The following SLC44A1 variants were observed in gnomAD, a reference collection of about 807,000 sequenced individuals.
The protein encoded by SLC44A1 is choline transporter-like protein 1.
Under a neutral mutation model 79.3 loss-of-function variants are expected in SLC44A1, and 26 were observed. That is an observed-to-expected ratio of 0.33 (90% CI 0.24 to 0.46). The LOEUF (loss-of-function observed/expected upper bound fraction) is 0.46, where lower values mean the gene tolerates loss of function less well. SLC44A1 is among the 20% of genes least tolerant of loss of function. SLC44A1 has a pLI of 1.00. For synonymous variants in SLC44A1, 263 were observed against 286.2 expected, an observed-to-expected ratio of 0.92 and a Z score of 0.82; for missense variants, 688 against 798.1, an observed-to-expected ratio of 0.86 and a Z score of 1.66.
chr9:105,245,186 T>G (rs1356117491), intron 1 of SLC44A1, among the ~76,000 whole-genome samples: 1 of 151,632 alleles, frequency 6.6e-6, no homozygotes, highest in East Asian at 2.0e-4. Flanking sequence ...CAGTCACACC[T>G]GAGCTGCCCG....
chr9:105,361,081 C>T, intron 7 of SLC44A1, 110 bp from the exon 8 acceptor site: 1 of 1,064,962 alleles, frequency 9.4e-7, no homozygotes, highest in Non-Finnish European at 1.4e-6. Flanking sequence ...TGGATTGTCA[C>T]TGCATTAGTC....
rs1019208127 is a variant in SLC44A1 at position 105,393,186 on chromosome 9, G to A, written c.*4130G>A. ...TATTTGTGTATTCTGTATTCACAGC[G>A]TAGGCTGCCTTTTGCTTTAAATGCA... On this transcript the variant is annotated 3_prime_UTR_variant, in exon 16 of 16. Transcript: ENST00000374720. 5.1e-6 allele frequency: 5 copies of A among 985,426 alleles called. No individual in the cohort carries two copies. The highest frequency in any genetic ancestry group is 6.0e-6 in the Non-Finnish European group (5 of 829,918). The allele number at this position is 985,426 out of a possible 1,614,324, so 61.0% of individuals were successfully genotyped here.
At chr9:105,275,592 A>G (rs1156852568) in intron 1 of SLC44A1, among the ~76,000 whole-genome samples, 1 of 152,212 alleles carries the variant, frequency 6.6e-6, no homozygotes, top group Non-Finnish European at 1.5e-5. Flanking sequence ...TCTAGGAAAT[A>G]TTCTCAAAGT....
At chr9:105,281,656 A>G (rs1830355934) in intron 1 of SLC44A1, among the ~76,000 whole-genome samples, 1 of 152,158 alleles carries the variant, frequency 6.6e-6, no homozygotes, top group Non-Finnish European at 1.5e-5. Context: ...AGGGGCTTGC[A>G]CTTTTTATTC....
At chr9:105,323,719 C>A (rs921420606) in intron 3 of SLC44A1, among the ~76,000 whole-genome samples, 1 of 152,192 alleles carries the variant, frequency 6.6e-6, no homozygotes, top group Non-Finnish European at 1.5e-5. Context: ...AGCACTCTCA[C>A]ATATTCTGTC....
At chr9:105,251,183 G>A (rs1829577197) in intron 1 of SLC44A1, among the ~76,000 whole-genome samples, 1 of 152,068 alleles carries the variant, frequency 6.6e-6, no homozygotes, top group South Asian at 2.1e-4. Context: ...GTTTAAATCT[G>A]TCCTCAAAAT....
chr9:105,356,086 C>G lies in SLC44A1; in HGVS notation c.501-126C>G. On this transcript the variant is annotated intron_variant, in intron 5 of 15. Transcript: ENST00000374720. ...AGCATTAAGCACACAGCTCTTAGCT[C>G]CCATAATGATGTGTGGAGGGTGGAG... 4.2e-6 allele frequency: 3 copies of G among 713,892 alleles called. No homozygotes were observed. The South Asian group carries it at 5.1e-5, about 12-fold the overall frequency. 44.2% of individuals were successfully genotyped at this position (713,892 alleles called of 1,614,324 possible). A position where few individuals can be genotyped will look rare whatever the true frequency, so the allele number is the denominator to read the frequency against.
Position 105,244,808 on chromosome 9 carries a change from C to G in SLC44A1, c.-61C>G, listed in dbSNP as rs1454927102. The G allele has an allele frequency of 3.4e-5, 36 of 1,062,970 alleles. No individual in the cohort carries two copies. The highest frequency in any genetic ancestry group is 3.9e-5 in the Non-Finnish European group (34 of 867,742). The allele number at this position is 1,062,970 out of a possible 1,614,324, so 65.8% of individuals were successfully genotyped here. On this transcript the variant is annotated 5_prime_UTR_variant, in exon 1 of 16. Coordinates refer to ENST00000374720, the MANE Select transcript of SLC44A1 (RefSeq NM_080546.5). ...CCCGGGCGCCCGCCGGCTCGCATGCCGAGGGGCTCCGGGGCGTAGCTGCGC... is the reference window on the plus strand; with the variant it reads ...CCCGGGCGCCCGCCGGCTCGCATGCGGAGGGGCTCCGGGGCGTAGCTGCGC...
chr9:105,350,213 T>G (rs1450603742), intron 5 of SLC44A1, among the ~76,000 whole-genome samples: 1 of 152,220 alleles, frequency 6.6e-6, no homozygotes, highest in Non-Finnish European at 1.5e-5. Context: ...CTAAGTATGT[T>G]ATCACTTTTG....
intron 1 of SLC44A1, among the ~76,000 whole-genome samples, chr9:105,274,978 A>G (rs542241926): frequency 6.6e-6 from 1 of 152,334 alleles, no homozygotes; most frequent in East Asian, 1.9e-4. Flanking sequence ...TTTTAGAGCA[A>G]TTATATAATT....
At chr9:105,337,198 A>T (rs1440604692) in intron 4 of SLC44A1, among the ~76,000 whole-genome samples, 1 of 152,042 alleles carries the variant, frequency 6.6e-6, no homozygotes, top group African/African-American at 2.4e-5. Context: ...ATACTCTGAC[A>T]AGTGGTGTGG....
At chr9:105,270,977 T>G (rs779083295) in intron 1 of SLC44A1, among the ~76,000 whole-genome samples, 1 of 152,268 alleles carries the variant, frequency 6.6e-6, no homozygotes, top group Non-Finnish European at 1.5e-5. Flanking sequence ...CTTCTAGGGT[T>G]AAGTGCTTAA....
chr9:105,437,307 A>G (rs761652875), intron 15 of SLC44A1, among the ~76,000 whole-genome samples: 5 of 152,058 alleles, frequency 3.3e-5, no homozygotes, highest in Non-Finnish European at 7.4e-5. Context: ...ATCTATATGT[A>G]TAGATAGATA....
At chr9:105,372,984 T>C (rs1363342830) in intron 12 of SLC44A1, among the ~76,000 whole-genome samples, 2 of 151,832 alleles carry the variant, frequency 1.3e-5, no homozygotes, top group Non-Finnish European at 2.9e-5. Context: ...GGTAGTGACC[T>C]GCTCAGTACA....
chr9:105,396,422 G>A lies in SLC44A1; in HGVS notation c.*7366G>A. The A allele has an allele frequency of 2.0e-6, 2 of 985,436 alleles. No homozygotes were observed. The highest frequency in any genetic ancestry group is 2.4e-6 in the Non-Finnish European group (2 of 829,930). The allele number at this position is 985,436 out of a possible 1,614,324, so 61.0% of individuals were successfully genotyped here. On this transcript the variant is annotated 3_prime_UTR_variant, in exon 16 of 16. Coordinates refer to ENST00000374720, the MANE Select transcript of SLC44A1 (RefSeq NM_080546.5). ...AACCAAAGACAAAACCCTATCTTCT[G>A]AAGACCAAAGGTCCAACTTTACTTA...
In SLC44A1 at chr9:105,389,679, C is replaced by T. The variant is rs1828714232; in HGVS notation, c.*623C>T. ...TTGTCAGCCAACATTAAAAGGTAACCAACTCCTCAGGTATTTGTAGTTTAC... is the reference window on the plus strand; with the variant it reads ...TTGTCAGCCAACATTAAAAGGTAACTAACTCCTCAGGTATTTGTAGTTTAC... On this transcript the variant is annotated 3_prime_UTR_variant, in exon 16 of 16. Coordinates refer to ENST00000374720, the MANE Select transcript of SLC44A1 (RefSeq NM_080546.5). 5 of 1,235,404 alleles carry T rather than the reference C, an allele frequency of 4.0e-6. No individual in the cohort carries two copies. The highest frequency in any genetic ancestry group is 5.1e-6 in the Non-Finnish European group (5 of 988,354). The allele number at this position is 1,235,404 out of a possible 1,614,324, so 76.5% of individuals were successfully genotyped here. A position where few individuals can be genotyped will look rare whatever the true frequency, so the allele number is the denominator to read the frequency against.
intron 3 of SLC44A1, 87 bp from the exon 4 acceptor site, chr9:105,335,476 G>A: frequency 3.2e-6 from 3 of 938,096 alleles, no homozygotes; most frequent in Non-Finnish European, 4.7e-6. Flanking sequence ...TGGAATAGAT[G>A]TTCTTTGCTC....
intron 12 of SLC44A1, among the ~76,000 whole-genome samples, chr9:105,369,997 C>G (rs1320321981): frequency 6.6e-6 from 1 of 152,230 alleles, no homozygotes; most frequent in Admixed American, 6.5e-5. Flanking sequence ...TGAATATTCT[C>G]AAGCTTGTGT....
chr9:105,354,196 G>A (rs1230549518), intron 5 of SLC44A1, among the ~76,000 whole-genome samples: 1 of 149,814 alleles, frequency 6.7e-6, no homozygotes, highest in Non-Finnish European at 1.5e-5. Context: ...GACTACAGGC[G>A]CCCGCTACCA....
Sources: allele counts gnomAD v4.1 joint callset (sites outside exome capture counted in the v4.1 genomes callset), GRCh38; gene constraint gnomAD v4.1.1; transcripts MANE v1.5; gene names NCBI Gene and HGNC (gene_info 2026-07-23, HGNC 2026-07-21).